The following SUSD1 variants were observed in gnomAD, a reference collection of about 807,000 sequenced individuals.
SUSD1 encodes sushi domain-containing protein 1.
In SUSD1, 65 loss-of-function variants were observed where a neutral mutation model predicts 86.9. That is an observed-to-expected ratio of 0.75 (90% confidence interval 0.61 to 0.92). The LOEUF is 0.92. Among genes scored for constraint, SUSD1 ranks in the 40% least tolerant of loss-of-function variants. SUSD1 has a pLI of 0.00. For synonymous variants in SUSD1, 346 were observed against 350.0 expected (o/e 0.99, Z 0.13); for missense variants, 850 against 929.7 (o/e 0.91, Z 1.11).
At chr9:112,059,156 G>T (rs1828594887) in intron 13 of SUSD1, among the ~76,000 whole-genome samples, 1 of 152,162 alleles carries the variant, frequency 6.6e-6, no homozygotes, top group African/African-American at 2.4e-5. Context: ...GGGCCCATGT[G>T]GGATTTACAG....
Position 112,124,452 on chromosome 9 carries a change from A to C in SUSD1, c.707-16T>G, listed in dbSNP as rs370878115. ...CAGTTGATCTCTGCAATGGGAACCA[A>C]GACAGCACTGGTTATAAGCCCTGAC... On this transcript the variant is annotated splice_polypyrimidine_tract_variant and intron_variant, in intron 5 of 16. Transcript: ENST00000374270. The C allele has an allele frequency of 2.3e-4, 364 of 1,608,324 alleles. 1 individual carries two copies. Among genetic ancestry groups the C allele is most frequent in the Non-Finnish European group, 3.0e-4 (358 of 1,176,592 alleles).
chr9:112,069,060 G>A (rs1035616690), intron 12 of SUSD1, among the ~76,000 whole-genome samples: 4 of 152,074 alleles, frequency 2.6e-5, no homozygotes, highest in African/African-American at 9.7e-5. Context: ...CAAACCCCAT[G>A]GTGGAGATAC....
chr9:112,104,869 A>T (rs766421429), intron 8 of SUSD1: 21 of 152,188 alleles, frequency 1.4e-4, no homozygotes, highest in Non-Finnish European at 2.2e-4. Flanking sequence ...TTCTACAAAG[A>T]AGGAGAGGGA....
At chr9:112,063,728 T>A (rs1398729069) in intron 12 of SUSD1, among the ~76,000 whole-genome samples, 1 of 152,206 alleles carries the variant, frequency 6.6e-6, no homozygotes, top group Non-Finnish European at 1.5e-5. Context: ...ATGGTATAAA[T>A]GTGCTAACTG....
At chr9:112,082,075 T>C (rs761015441) in intron 10 of SUSD1, among the ~76,000 whole-genome samples, 9 of 152,092 alleles carry the variant, frequency 5.9e-5, no homozygotes, top group Non-Finnish European at 1.0e-4. Flanking sequence ...TAGCTATTAC[T>C]GAGCCTTATT....
intron 15 of SUSD1, among the ~76,000 whole-genome samples, chr9:112,049,854 C>T (rs1250900073): frequency 1.3e-5 from 2 of 152,080 alleles, no homozygotes; most frequent in Non-Finnish European, 2.9e-5. Flanking sequence ...AAGGCTCAAA[C>T]TCTCCTTCAA....
chr9:112,095,788 T>C (rs1265431984), intron 10 of SUSD1, among the ~76,000 whole-genome samples: 1 of 152,160 alleles, frequency 6.6e-6, no homozygotes, highest in East Asian at 1.9e-4. Flanking sequence ...TGCAAGATGA[T>C]GCATTTCACT....
intron 10 of SUSD1, among the ~76,000 whole-genome samples, chr9:112,090,977 C>T (rs560682508): frequency 2.0e-5 from 3 of 152,202 alleles, no homozygotes; most frequent in Non-Finnish European, 2.9e-5. Context: ...GGCTCCAATT[C>T]TAAGCAACTT....
At chr9:112,116,543 G>A (rs929158352) in intron 6 of SUSD1, among the ~76,000 whole-genome samples, 3 of 152,186 alleles carry the variant, frequency 2.0e-5, no homozygotes, top group African/African-American at 7.2e-5. Flanking sequence ...ACTACTAACT[G>A]AATGGCTATC....
chr9:112,063,061 G>T, intron 12 of SUSD1, 28 bp from the exon 13 acceptor site: 1 of 1,414,380 alleles, frequency 7.1e-7, no homozygotes, highest in Non-Finnish European at 1.0e-6. Flanking sequence ...AGAAGAAAAG[G>T]GGTATGATTG....
At position 112,141,845 on chromosome 9, in the gene SUSD1, T is replaced by A. The variant is rs192330901; in HGVS notation, c.706+475A>T. ...TATATGTTATTCCCACATGACGTTT[T>A]TATATATATATGTATATATATACAT... On this transcript the variant is annotated intron_variant, in intron 5 of 16. Coordinates refer to ENST00000374270, the MANE Select transcript of SUSD1 (RefSeq NM_022486.5). Among the ~76,000 whole-genome samples the A allele has an allele frequency of 4.4e-4, 64 of 144,506 alleles. 2 individuals are homozygous for A. Among genetic ancestry groups the A allele is most frequent in the South Asian group, 3.4e-3 (16 of 4,690 alleles). The allele number at this position is 144,506 out of a possible 152,430, so 94.8% of individuals were successfully genotyped here. A position where few individuals can be genotyped will look rare whatever the true frequency, so the allele number is the denominator to read the frequency against.
chr9:112,083,741 AC>A (rs1829862589), intron 10 of SUSD1, among the ~76,000 whole-genome samples: 1 of 152,196 alleles, frequency 6.6e-6, no homozygotes, highest in Non-Finnish European at 1.5e-5. Flanking sequence ...ATATTTTTCC[AC>A]ATAATAACAT....
chr9:112,050,018 T>C (rs1018439957), intron 15 of SUSD1, among the ~76,000 whole-genome samples: 1 of 152,240 alleles, frequency 6.6e-6, no homozygotes, highest in Non-Finnish European at 1.5e-5. Context: ...CTTCCAATCA[T>C]AGCAAACAGC....
chr9:112,122,293 G>C (rs1394817720), intron 6 of SUSD1, among the ~76,000 whole-genome samples: 1 of 152,076 alleles, frequency 6.6e-6, no homozygotes, highest in Non-Finnish European at 1.5e-5. Context: ...CCTGAGTACT[G>C]GGGACTACAG....
chr9:112,042,146 ATTACAG>A, intron 15 of SUSD1, 186 bp from the exon 16 acceptor site: 1 of 1,538,582 alleles, frequency 6.5e-7, no homozygotes, highest in Non-Finnish European at 8.7e-7. Flanking sequence ...GCCTCAGGAA[ATTACAG>A]TTACAAGGTA....
At chr9:112,063,761 C>T (rs116549520) in intron 12 of SUSD1, among the ~76,000 whole-genome samples, 3,467 of 152,264 alleles carry the variant, frequency 0.023, 107 homozygotes, top group African/African-American at 0.065. Context: ...GTGGGTAACA[C>T]GCTAAGTAAG....
intron 13 of SUSD1, among the ~76,000 whole-genome samples, chr9:112,061,339 C>A (rs1828716849): frequency 6.6e-6 from 1 of 152,196 alleles, no homozygotes; most frequent in Non-Finnish European, 1.5e-5. Context: ...AACCACCCTG[C>A]CTGCTGGTAA....
In SUSD1 at chr9:112,175,266, GCCT is replaced by G. The variant is rs1472615223; in HGVS notation, c.-34_-32del. ...CGCCGGTCCCTCCCGGCGCGCCCGC[GCCT>G]CCTCCCGGGGCCCTCAGGGTGCAGA... On this transcript the variant is annotated 5_prime_UTR_variant, in exon 1 of 17. Coordinates refer to ENST00000374270, the MANE Select transcript of SUSD1 (RefSeq NM_022486.5). The surrounding 1 kb of genome is among the most constrained non-coding windows in gnomAD (Gnocchi z 4.7). 3 of 1,135,660 alleles carry G rather than the reference GCCT, an allele frequency of 2.6e-6. No individual in the cohort carries two copies. Among genetic ancestry groups the G allele is most frequent in the East Asian group, 8.7e-5 (2 of 22,976 alleles). The allele number at this position is 1,135,660 out of a possible 1,614,324, so 70.3% of individuals were successfully genotyped here. A position where few individuals can be genotyped will look rare whatever the true frequency, so the allele number is the denominator to read the frequency against.
chr9:112,130,087 G>A (rs919034361), intron 5 of SUSD1, among the ~76,000 whole-genome samples: 3 of 152,060 alleles, frequency 2.0e-5, no homozygotes, highest in African/African-American at 7.2e-5. Context: ...AATAATAATA[G>A]CATTCAGCCA....
Sources: allele counts gnomAD v4.1 joint callset (sites outside exome capture counted in the v4.1 genomes callset), GRCh38; gene constraint gnomAD v4.1.1; non-coding constraint Gnocchi (gnomAD v3.1); transcripts MANE v1.5; gene names NCBI Gene and HGNC (gene_info 2026-07-23, HGNC 2026-07-21).